Variants in NTNG1 observed in about 807,000 individuals in gnomAD.
NTNG1 encodes netrin-G1.
Under a neutral mutation model 54.0 loss-of-function variants are expected in NTNG1, and 16 were observed. That is an observed-to-expected ratio of 0.30 (90% CI 0.20 to 0.45). The LOEUF (loss-of-function observed/expected upper bound fraction) is 0.45. Ranked by LOEUF, NTNG1 falls within the 20% of genes least tolerant of loss-of-function variation. The pLI, the probability that NTNG1 is intolerant of heterozygous loss-of-function variation, is 1.00. For synonymous variants in NTNG1, 255 were observed against 263.1 expected (o/e 0.97, Z 0.30); for missense variants, 530 against 678.7 (o/e 0.78, Z 2.43).
chr1:107,441,914 G>A (rs1675991181), intron 7 of NTNG1, among the ~76,000 whole-genome samples: 1 of 152,036 alleles, frequency 6.6e-6, no homozygotes, highest in African/African-American at 2.4e-5. Context: ...GTATAGATGT[G>A]CATTGTGCAT....
intron 7 of NTNG1, among the ~76,000 whole-genome samples, chr1:107,450,785 C>A (rs1676573292): frequency 6.6e-6 from 1 of 152,062 alleles, no homozygotes; most frequent in Non-Finnish European, 1.5e-5. Flanking sequence ...TCATCCCAAC[C>A]TTAGCAGCAA....
chr1:107,464,697 GC>G (rs1677493527), intron 7 of NTNG1, among the ~76,000 whole-genome samples: 2 of 152,300 alleles, frequency 1.3e-5, no homozygotes, highest in East Asian at 3.9e-4. Flanking sequence ...CTTAGCTTCA[GC>G]CTCAGGCCAA....
intron 2 of NTNG1, among the ~76,000 whole-genome samples, chr1:107,186,969 C>G (rs990160319): frequency 1.1e-4 from 17 of 151,948 alleles, no homozygotes; most frequent in African/African-American, 4.1e-4. Context: ...AATAATGTTC[C>G]CAAATCATAC....
chr1:107,321,055 ATGT>A (rs1458539517), intron 2 of NTNG1, among the ~76,000 whole-genome samples: 3 of 152,128 alleles, frequency 2.0e-5, no homozygotes, highest in Non-Finnish European at 4.4e-5. Flanking sequence ...CTCAAATGTC[ATGT>A]TATCAGGGAG....
At chr1:107,263,237 T>A (rs180829651) in intron 2 of NTNG1, among the ~76,000 whole-genome samples, 1 of 152,226 alleles carries the variant, frequency 6.6e-6, no homozygotes, top group African/African-American at 2.4e-5. Context: ...TGAGTGGGTG[T>A]GTGGGAAAAG....
chr1:107,232,396 T>A (rs1312520565), intron 2 of NTNG1, among the ~76,000 whole-genome samples: 6 of 152,192 alleles, frequency 3.9e-5, no homozygotes, highest in Admixed American at 1.3e-4. Flanking sequence ...AAACTCTGGG[T>A]CTTGTGCCTT....
intron 2 of NTNG1, among the ~76,000 whole-genome samples, chr1:107,166,489 A>C (rs1273559097): frequency 6.6e-6 from 1 of 152,202 alleles, no homozygotes; most frequent in Non-Finnish European, 1.5e-5. Context: ...AATGCACAGT[A>C]CTAGATAAAA....
intron 2 of NTNG1, among the ~76,000 whole-genome samples, chr1:107,159,390 G>A (rs1655246665): frequency 6.6e-6 from 1 of 152,128 alleles, no homozygotes. Flanking sequence ...CATGCTTGTT[G>A]AATTGAACTT....
At chr1:107,408,774 C>T (rs2101152868) in intron 5 of NTNG1, 1 of 152,052 alleles carries the variant, frequency 6.6e-6, no homozygotes, top group East Asian at 1.9e-4. Context: ...CCCTCACAGG[C>T]TTGTGTCATA....
At chr1:107,252,010 AT>A (rs34191474) in intron 2 of NTNG1, among the ~76,000 whole-genome samples, 2,087 of 152,234 alleles carry the variant, frequency 0.014, 44 homozygotes, top group Middle Eastern at 0.02. Context: ...CCACTTACTA[AT>A]TGTATGACTT....
At chr1:107,194,047 C>G (rs568465750) in intron 2 of NTNG1, among the ~76,000 whole-genome samples, 2 of 151,920 alleles carry the variant, frequency 1.3e-5, no homozygotes, top group Non-Finnish European at 2.9e-5. Context: ...CCAACTCTAC[C>G]AAACTGCTTG....
rs1000580729 is a variant in NTNG1, at chr1:107,160,543, G to A, written c.246+11704G>A. ...AAGCTATTATAAAATAGAGACGTAC[G>A]TAACATAATAATGTATGTGTGTGTA... is the stretch of plus-strand genomic sequence containing the variant. On this transcript the variant is annotated intron_variant, in intron 2 of 7. Transcript: ENST00000370068. 4.6e-5 allele frequency among the ~76,000 whole-genome samples: 7 copies of A among 151,376 alleles called. No homozygotes were observed. The East Asian group carries it at 5.9e-4, about 13-fold the overall frequency.
At chr1:107,300,795 G>A (rs1666269819) in intron 2 of NTNG1, among the ~76,000 whole-genome samples, 2 of 152,100 alleles carry the variant, frequency 1.3e-5, no homozygotes, top group Admixed American at 1.3e-4. Context: ...CAGAGTTAAT[G>A]TTAACATTTT....
At chr1:107,279,582 C>G (rs980637527) in intron 2 of NTNG1, among the ~76,000 whole-genome samples, 1 of 152,164 alleles carries the variant, frequency 6.6e-6, no homozygotes, top group Non-Finnish European at 1.5e-5. Context: ...CTAATTATTT[C>G]TTGACTCTCC....
chr1:107,257,378 A>G (rs2101638042), intron 2 of NTNG1, among the ~76,000 whole-genome samples: 1 of 152,266 alleles, frequency 6.6e-6, no homozygotes, highest in Non-Finnish European at 1.5e-5. Flanking sequence ...CCAAATATTT[A>G]TTTTGTATTT....
intron 4 of NTNG1, among the ~76,000 whole-genome samples, chr1:107,400,562 G>C (rs1157557897): frequency 6.6e-6 from 1 of 152,000 alleles, no homozygotes; most frequent in East Asian, 1.9e-4. Flanking sequence ...TTTAAACTTA[G>C]GTCTGTCTCA....
rs761288161 is a variant in NTNG1, at chr1:107,480,722, G to T, written c.1502G>T (p.Arg501Leu). The T allele has an allele frequency of 3.1e-6, 5 of 1,610,762 alleles. No homozygotes were observed. The highest frequency in any genetic ancestry group is 3.4e-6 in the Non-Finnish European group (4 of 1,179,478). ...ACGGGCATCCTCTGCGAGAAGCTGC[G>T]GTGCGAGGAGGCTGGCAGCTGCGGC... ...AYTGILCEKL[R>L]CEEAGSCGSD... The change falls in exon 8 of 8, where the codon CGG becomes CTG. Residue 501 changes from arginine to leucine, a missense_variant. Arg to Leu is a moderately radical substitution (Grantham distance 102). Around this residue, in one of 2 missense-constraint regions of NTNG1, gnomAD observed 212 missense variants for 213.6 expected, o/e 0.99. Coordinates refer to ENST00000370068, the MANE Select transcript of NTNG1 (RefSeq NM_001113226.3).
At chr1:107,345,209 G>A (rs12125548) in intron 3 of NTNG1, among the ~76,000 whole-genome samples, 4,151 of 152,234 alleles carry the variant, frequency 0.027, 86 homozygotes, top group Non-Finnish European at 0.042. Flanking sequence ...AGAGCTATAC[G>A]GAAAATCTGG....
chr1:107,186,097 A>G (rs768297864), intron 2 of NTNG1, among the ~76,000 whole-genome samples: 1 of 152,144 alleles, frequency 6.6e-6, no homozygotes, highest in Non-Finnish European at 1.5e-5. Context: ...GCTTCCACTT[A>G]TAAGTGAGAA....
Sources: allele counts gnomAD v4.1 joint callset (sites outside exome capture counted in the v4.1 genomes callset), GRCh38; gene constraint gnomAD v4.1.1; regional missense constraint gnomAD v4.1.1; transcripts MANE v1.5; gene names NCBI Gene and HGNC (gene_info 2026-07-23, HGNC 2026-07-21).